Variants in SETD1B observed in about 807,000 individuals in gnomAD.
SETD1B encodes histone-lysine N-methyltransferase SETD1B.
Under a neutral mutation model 148.0 loss-of-function variants are expected in SETD1B, and 7 were observed. The ratio of observed to expected loss-of-function variants is 0.05; its 90% CI spans 0.03 to 0.09. The LOEUF is 0.09. SETD1B is among the 10% of genes least tolerant of loss of function. The probability of loss-of-function intolerance (pLI) is 1.00; values close to 1 mark genes in which losing one functional copy is unlikely to be tolerated. For synonymous variants in SETD1B, 1,361 were observed against 1,186.5 expected (o/e 1.15, Z -3.02); for missense variants, 2,155 against 2,729.9 (o/e 0.79, Z 4.69).
chr12:121,797,559 A>T, the SETD1B span: 92 of 456,504 alleles, frequency 2.0e-4, no homozygotes, highest in Non-Finnish European at 3.0e-4. Context: ...CGAGAACCAC[A>T]TCCAGACCAC....
Position 121,814,853 on chromosome 12 carries a change from C to T in SETD1B, c.2638C>T (p.Leu880=), listed in dbSNP as rs754491873. The T allele has an allele frequency of 1.3e-6, 2 of 1,551,638 alleles. No individual in the cohort carries two copies. Among genetic ancestry groups the T allele is most frequent in the South Asian group, 2.4e-5 (2 of 84,066 alleles). The part of the protein sequence containing the change: ...KELKAIMKRD[L]NRKMVEVVAF... Reference sequence around the variant, plus strand: ...ACTCAAGGCCATCATGAAGCGTGACCTGAACCGCAAGATGGTGGAAGTGGT... The same window carrying T: ...ACTCAAGGCCATCATGAAGCGTGACTTGAACCGCAAGATGGTGGAAGTGGT... Residue 880 remains leucine (L), a synonymous_variant, in exon 7 of 17, where the codon CTG becomes TTG. Transcript: ENST00000604567.
At chr12:121,796,668 C>T in the SETD1B span, among the ~76,000 whole-genome samples, 2 of 152,114 alleles carry the variant, frequency 1.3e-5, no homozygotes, top group East Asian at 1.9e-4. Context: ...CATGAGCACT[C>T]GGGGACAGGC....
At chr12:121,798,992 G>A in the SETD1B span, among the ~76,000 whole-genome samples, 1 of 152,192 alleles carries the variant, frequency 6.6e-6, no homozygotes, top group Admixed American at 6.5e-5. Context: ...GTCTCAAAAT[G>A]TGTTCCCAGA....
intron 16 of SETD1B, among the ~76,000 whole-genome samples, chr12:121,829,326 A>T (rs1012923949): frequency 2.0e-5 from 3 of 152,176 alleles, no homozygotes; most frequent in Admixed American, 2.0e-4. Context: ...TGGTGGCCCC[A>T]GAAGTGGAGA....
At chr12:121,829,768 C>A (rs1196300263) in intron 16 of SETD1B, among the ~76,000 whole-genome samples, 2 of 152,150 alleles carry the variant, frequency 1.3e-5, no homozygotes, top group African/African-American at 4.8e-5. Flanking sequence ...TTTGCTGACC[C>A]TTTTTTTAGA....
chr12:121,806,214 C>T (rs1052352871), intron 4 of SETD1B, 109 bp downstream of exon 4: 23 of 1,208,918 alleles, frequency 1.9e-5, no homozygotes, highest in Non-Finnish European at 2.3e-5. Context: ...CTTGGGATCC[C>T]CCCCCACAAC....
chr12:121,828,282 C>T (rs1876938222), intron 16 of SETD1B, among the ~76,000 whole-genome samples: 1 of 152,264 alleles, frequency 6.6e-6, no homozygotes, highest in Admixed American at 6.5e-5. Flanking sequence ...GTCAAATGGG[C>T]ATAGTGAGAC....
At chr12:121,828,978 A>G (rs971573496) in intron 16 of SETD1B, among the ~76,000 whole-genome samples, 6 of 151,720 alleles carry the variant, frequency 4.0e-5, no homozygotes, top group African/African-American at 1.2e-4. Context: ...GTGAGAGGGA[A>G]TTGCCCAGGG....
In SETD1B at chr12:121,823,472, A is replaced by G. The variant is rs2137580525; in HGVS notation, c.4893A>G (p.Glu1631=). Residue 1631 remains glutamate (E), a synonymous_variant, in exon 12 of 17, where the codon GAA becomes GAG. Transcript: ENST00000604567. ...GPRGRDEVTE[E]YMELAKSRGP... ...GTGGGCGCGATGAGGTCACTGAGGA[A>G]TACATGGAGTTGGCCAAGAGCCGGG... 1 of 1,550,456 alleles carries G rather than the reference A, an allele frequency of 6.4e-7. No individual in the cohort carries two copies. The highest frequency in any genetic ancestry group is 1.2e-5 in the South Asian group (1 of 84,052).
rs765305880 is a variant in SETD1B at position 121,819,579 on chromosome 12, G to A, written c.3594G>A (p.Glu1198=). 6.4e-7 allele frequency: 1 copy of A among 1,552,494 alleles called. No individual in the cohort carries two copies. The highest frequency in any genetic ancestry group is 8.7e-7 in the Non-Finnish European group (1 of 1,147,272). ...AGGAGGAGGAGGAGATGGTGGCCGA[G>A]GAAAGCATGGCTTCTGCAGGCCCTG... ...EEEEEEEMVA[E]ESMASAGPED... Residue 1198 remains glutamate, a synonymous_variant, in exon 11 of 17, where the codon GAG becomes GAA. Transcript: ENST00000604567.
intron 12 of SETD1B, among the ~76,000 whole-genome samples, chr12:121,824,306 TC>T (rs1456336917): frequency 6.6e-6 from 1 of 152,184 alleles, no homozygotes; most frequent in Non-Finnish European, 1.5e-5. Context: ...CCTCTCATTA[TC>T]CCTGCTGTAT....
At chr12:121,828,213 G>A (rs1016692293) in intron 16 of SETD1B, 143 bp downstream of exon 16, 1 of 1,020,414 alleles carries the variant, frequency 9.8e-7, no homozygotes, top group South Asian at 1.7e-5. Flanking sequence ...ATAGGGAGAG[G>A]AGGACATGTG....
At chr12:121,794,013 T>G in the SETD1B span, 1 of 177,506 alleles carries the variant, frequency 5.6e-6, no homozygotes, top group Non-Finnish European at 1.2e-5. Context: ...GACCCTCTGA[T>G]TGGCTGGCGC....
At chr12:121,826,266 C>T (rs1458817496) in intron 13 of SETD1B, among the ~76,000 whole-genome samples, 3 of 117,624 alleles carry the variant, frequency 2.6e-5, no homozygotes, top group Admixed American at 1.8e-4. Flanking sequence ...GAAAGAAGCA[C>T]GTAATTCCAG....
At position 121,808,157 on chromosome 12, in the gene SETD1B, C is replaced by T; in HGVS notation, c.545-51C>T. On this transcript the variant is annotated intron_variant, in intron 4 of 16. Coordinates refer to ENST00000604567, the MANE Select transcript of SETD1B (RefSeq NM_001353345.2). This position sits in a 1 kb window ranked among gnomAD's most constrained non-coding sequence, Gnocchi z 5.3. ...ACACAGGTTGGAATCCTTGTGGGGG[C>T]TGCCCCATCCTGGAACCTCACTGAG... is the stretch of plus-strand genomic sequence containing the variant. The T allele has an allele frequency of 7.1e-7, 1 of 1,413,780 alleles. No homozygotes were observed. Among genetic ancestry groups the T allele is most frequent in the Non-Finnish European group, 9.7e-7 (1 of 1,027,656 alleles). 87.6% of individuals were successfully genotyped at this position (1,413,780 alleles called of 1,614,324 possible).
chr12:121,828,639 G>A (rs761805640), intron 16 of SETD1B, among the ~76,000 whole-genome samples: 3 of 152,242 alleles, frequency 2.0e-5, no homozygotes, highest in Non-Finnish European at 4.4e-5. Flanking sequence ...ACAGGGATTT[G>A]AGTGCTGAAG....
intron 6 of SETD1B, among the ~76,000 whole-genome samples, chr12:121,813,363 C>T (rs975609241): frequency 1.3e-5 from 2 of 152,228 alleles, no homozygotes; most frequent in Admixed American, 6.5e-5. Context: ...TGCTGCTAAA[C>T]CCCCGCTCCA....
At position 121,808,407 on chromosome 12, in the gene SETD1B, A is replaced by T; in HGVS notation, c.657+87A>T. ...AAAGCCTCACCAACTCTCTTATGGG[A>T]CCCCCAGCCTACCCCCACCTCACTC... On this transcript the variant is annotated intron_variant, in intron 5 of 16. Coordinates refer to ENST00000604567, the MANE Select transcript of SETD1B (RefSeq NM_001353345.2). This position sits in a 1 kb window ranked among gnomAD's most constrained non-coding sequence, Gnocchi z 5.3. 1.2e-6 allele frequency: 1 copy of T among 819,750 alleles called. No homozygotes were observed. The highest frequency in any genetic ancestry group is 2.0e-6 in the Non-Finnish European group (1 of 509,800). 50.8% of individuals were successfully genotyped at this position (819,750 alleles called of 1,614,324 possible).
rs1299628380 is a variant in SETD1B, at chr12:121,814,777, G to A, written c.2562G>A (p.Glu854=). 1.8e-5 allele frequency: 28 copies of A among 1,551,368 alleles called. No homozygotes were observed. The highest frequency in any genetic ancestry group is 2.4e-5 in the Non-Finnish European group (28 of 1,146,998). The change falls in exon 7 of 17, where the codon GAG becomes GAA. Residue 854 remains glutamate, a synonymous_variant. Coordinates refer to ENST00000604567, the MANE Select transcript of SETD1B (RefSeq NM_001353345.2). ...CACCAGGCTACATGCCACGCCAGGA[G>A]GACCCACACAAAGCCACGGTGGATG... ...VPPPGYMPRQ[E]DPHKATVDGV...
Sources: gnomAD v4.1 joint callset for allele counts (sites outside exome capture counted in the v4.1 genomes callset) on GRCh38, gnomAD v4.1.1 for gene constraint, Gnocchi (gnomAD v3.1) non-coding constraint, MANE v1.5 for transcripts, NCBI Gene and HGNC (gene_info 2026-07-23, HGNC 2026-07-21) for gene names.